FILIP1L: variants seen among roughly 807,000 people sequenced by gnomAD.
The protein encoded by FILIP1L is filamin A interacting protein 1 like.
In FILIP1L, 55 loss-of-function variants were observed where a neutral mutation model predicts 96.6. That is an observed-to-expected ratio of 0.57 (90% CI 0.46 to 0.71). The LOEUF is 0.71. Ranked by LOEUF, FILIP1L falls within the 30% of genes least tolerant of loss-of-function variation. The pLI is 0.00. For synonymous variants in FILIP1L, 467 were observed against 473.9 expected, an observed-to-expected ratio of 0.99 and a Z score of 0.19; for missense variants, 1,304 against 1,321.2, an observed-to-expected ratio of 0.99 and a Z score of 0.20.
At chr3:99,864,262 A>G (rs1231501558) in intron 4 of FILIP1L, among the ~76,000 whole-genome samples, 2 of 152,174 alleles carry the variant, frequency 1.3e-5, no homozygotes, top group East Asian at 3.9e-4. Context: ...AATACTATGC[A>G]AGGCCATCAT....
chr3:99,879,521 T>G (rs1321365609), intron 4 of FILIP1L, among the ~76,000 whole-genome samples: 1 of 152,252 alleles, frequency 6.6e-6, no homozygotes, highest in Non-Finnish European at 1.5e-5. Flanking sequence ...CTTTCATGTC[T>G]TCTCTCCCTG....
intron 5 of FILIP1L, among the ~76,000 whole-genome samples, chr3:99,840,779 T>C (rs949045811): frequency 2.0e-4 from 30 of 152,320 alleles, no homozygotes; most frequent in African/African-American, 7.2e-4. Flanking sequence ...TCACAAAGGT[T>C]AAATGACTTG....
chr3:100,045,525 C>A (rs1451651583), intron 1 of FILIP1L, among the ~76,000 whole-genome samples: 1 of 152,088 alleles, frequency 6.6e-6, no homozygotes, highest in Non-Finnish European at 1.5e-5. Flanking sequence ...CCTCCTCTCG[C>A]AAACACCTCC....
chr3:99,853,395 A>T (rs189157288), intron 4 of FILIP1L, among the ~76,000 whole-genome samples: 1 of 152,240 alleles, frequency 6.6e-6, no homozygotes, highest in Admixed American at 6.5e-5. Flanking sequence ...AAATTATAGC[A>T]TGTGCTATGT....
Position 99,932,862 on chromosome 3 carries a change from C to A in FILIP1L, c.-10-1832G>T, listed in dbSNP as rs550825431. 1.1e-4 allele frequency among the ~76,000 whole-genome samples: 17 copies of A among 152,266 alleles called. No homozygotes were observed. The South Asian group carries it at 3.5e-3, about 32-fold the overall frequency. On this transcript the variant is annotated intron_variant, in intron 1 of 5. Transcript: ENST00000477258. Reference sequence around the variant, plus strand: ...GCCAAGATCGCGCCCGGCACTCCAGCCTGGGTGACAGAGTAAGACTCTGTC... The same window carrying A: ...GCCAAGATCGCGCCCGGCACTCCAGACTGGGTGACAGAGTAAGACTCTGTC...
intron 1 of FILIP1L, among the ~76,000 whole-genome samples, chr3:100,016,262 G>A (rs567426450): frequency 2.7e-4 from 41 of 152,166 alleles, no homozygotes; most frequent in African/African-American, 9.1e-4. Context: ...GTGCGATCTC[G>A]GCTCACTGCA....
chr3:99,935,549 G>C (rs941820892), intron 1 of FILIP1L, among the ~76,000 whole-genome samples: 1 of 152,166 alleles, frequency 6.6e-6, no homozygotes, highest in African/African-American at 2.4e-5. Flanking sequence ...TACTGGGATA[G>C]GTTGTCCCAT....
intron 1 of FILIP1L, among the ~76,000 whole-genome samples, chr3:100,074,481 A>G (rs1178720168): frequency 1.3e-5 from 2 of 151,724 alleles, no homozygotes; most frequent in Non-Finnish European, 2.9e-5. Flanking sequence ...TTCTCTGTGG[A>G]TCTCTTATCA....
At position 100,020,025 on chromosome 3, in the gene FILIP1L, T is replaced by C. The variant is rs569568503; in HGVS notation, c.-10-88995A>G. 2.4e-4 allele frequency among the ~76,000 whole-genome samples: 36 copies of C among 152,320 alleles called. No individual in the cohort carries two copies. The Middle Eastern group carries it at 0.01, about 43-fold the overall frequency. Reference sequence around the variant, plus strand: ...CTGAGTAATATCACTGATTCAGTAATTACCCTGGGTAGTAGCCATACAAGC... The same window carrying C: ...CTGAGTAATATCACTGATTCAGTAACTACCCTGGGTAGTAGCCATACAAGC... On this transcript the variant is annotated intron_variant, in intron 1 of 5. Coordinates refer to ENST00000477258, the MANE Select transcript of FILIP1L (RefSeq NM_001387850.1).
intron 4 of FILIP1L, among the ~76,000 whole-genome samples, chr3:99,854,459 A>G (rs1426860874): frequency 6.6e-6 from 1 of 152,166 alleles, no homozygotes; most frequent in Non-Finnish European, 1.5e-5. Context: ...TTCATTCCCT[A>G]AGAGCTGTGT....
chr3:99,860,219 G>A (rs2107551986), intron 4 of FILIP1L, among the ~76,000 whole-genome samples: 1 of 152,254 alleles, frequency 6.6e-6, no homozygotes. Flanking sequence ...TAAGAAGGAG[G>A]CTTTAGCTTG....
rs889864300 is a variant in FILIP1L, at chr3:99,886,428, GA to G, written c.606-35359del. Among the ~76,000 whole-genome samples, 703 of 149,662 alleles carry G rather than the reference GA, an allele frequency of 4.7e-3. 7 individuals carry two copies. The highest frequency in any genetic ancestry group is 0.017 in the African/African-American group (676 of 40,782). On this transcript the variant is annotated intron_variant, in intron 4 of 5. Transcript: ENST00000477258. ...TACCTGATGAGAAAAAAAAAAATCG[GA>G]AAAAAAAAATCTCATGTTTTAAGAA... is the stretch of plus-strand genomic sequence containing the variant.
Position 99,850,969 on chromosome 3 carries a change from TTCAGCTTGG to T in FILIP1L, c.698_706del (p.Thr233_Leu235del). 6.2e-7 allele frequency: 1 copy of T among 1,614,188 alleles called. No individual in the cohort carries two copies. The highest frequency in any genetic ancestry group is 8.5e-7 in the Non-Finnish European group (1 of 1,180,018). The stretch of plus-strand genomic sequence containing the variant: ...ATCCACCACCATCAAAGCAAAAGAC[TTCAGCTTGG>T]TCAGCTCCTCTTTCAGGGTGGTGAC... On this transcript the variant is annotated inframe_deletion, in exon 5 of 6. Transcript: ENST00000477258.
intron 1 of FILIP1L, among the ~76,000 whole-genome samples, chr3:99,971,253 T>C (rs1312912711): frequency 6.7e-6 from 1 of 148,256 alleles, no homozygotes; most frequent in Non-Finnish European, 1.5e-5. Context: ...GGCAGGAGAA[T>C]GGCGTGAACC....
At chr3:100,045,231 T>A (rs563838413) in intron 1 of FILIP1L, among the ~76,000 whole-genome samples, 22 of 152,248 alleles carry the variant, frequency 1.4e-4, no homozygotes, top group Non-Finnish European at 2.6e-4. Flanking sequence ...ATGATCTAGC[T>A]GTGCAAAGAG....
chr3:99,915,878 T>C (rs1440141211), intron 4 of FILIP1L, among the ~76,000 whole-genome samples: 1 of 152,226 alleles, frequency 6.6e-6, no homozygotes, highest in Non-Finnish European at 1.5e-5. Flanking sequence ...CTCTTATTAA[T>C]TGTCACATTA....
intron 4 of FILIP1L, among the ~76,000 whole-genome samples, chr3:99,886,994 G>T (rs545485866): frequency 1.4e-5 from 2 of 142,986 alleles, no homozygotes; most frequent in African/African-American, 5.2e-5. Context: ...AGTACTGGCC[G>T]GGTGTGGTGG....
rs557232239 is a variant in FILIP1L, at chr3:100,067,436, C to T, written c.-11+46617G>A. Among the ~76,000 whole-genome samples, 10 of 152,170 alleles carry T rather than the reference C, an allele frequency of 6.6e-5. No homozygotes were observed. The East Asian group carries it at 1.9e-3, about 29-fold the overall frequency. Reference sequence around the variant, plus strand: ...AGGCTTTTGGAATGTCTGTTGAATCCCTGGCTCCAATTATTCCCATTCCTC... The same window carrying T: ...AGGCTTTTGGAATGTCTGTTGAATCTCTGGCTCCAATTATTCCCATTCCTC... On this transcript the variant is annotated intron_variant, in intron 1 of 5. Coordinates refer to ENST00000477258, the MANE Select transcript of FILIP1L (RefSeq NM_001387850.1).
At chr3:99,994,525 A>G (rs978270299) in intron 1 of FILIP1L, among the ~76,000 whole-genome samples, 2 of 152,210 alleles carry the variant, frequency 1.3e-5, no homozygotes, top group Admixed American at 6.5e-5. Flanking sequence ...TCAAAATCAT[A>G]TCAAATATCT....
Sources: allele counts gnomAD v4.1 joint callset (sites outside exome capture counted in the v4.1 genomes callset), GRCh38; gene constraint gnomAD v4.1.1; transcripts MANE v1.5; gene names NCBI Gene and HGNC (gene_info 2026-07-23, HGNC 2026-07-21).